KIF24: variants seen among roughly 807,000 people sequenced by gnomAD.
KIF24 encodes the protein kinesin-like protein KIF24.
A neutral mutation model predicts 118.9 loss-of-function variants in KIF24; 81 were observed. The ratio of observed to expected loss-of-function variants is 0.68; its 90% CI spans 0.57 to 0.82. KIF24 has a LOEUF of 0.82. KIF24 is among the 40% of genes least tolerant of loss of function. The pLI, the probability that KIF24 is intolerant of heterozygous loss-of-function variation, is 0.00. For missense variants in KIF24, 1,560 were observed against 1,661.6 expected (o/e 0.94, Z 1.06); for synonymous variants, 599 against 610.0 (o/e 0.98, Z 0.27).
At chr9:34,331,644 G>C (rs974489674), upstream of KIF24, among the ~76,000 whole-genome samples, 2 of 152,256 alleles carry the variant, frequency 1.3e-5, no homozygotes, top group East Asian at 3.9e-4. Flanking sequence ...AATTTTCACC[G>C]TGGTCTTGGT....
chr9:34,305,970 T>C (rs1159575736), intron 3 of KIF24, among the ~76,000 whole-genome samples: 1 of 152,224 alleles, frequency 6.6e-6, no homozygotes, highest in Non-Finnish European at 1.5e-5. Flanking sequence ...ATATGTATAA[T>C]TAAATTCACA....
At chr9:34,306,088 TG>T (rs1319362240) in intron 3 of KIF24, among the ~76,000 whole-genome samples, 163 bp downstream of exon 3, 1 of 152,164 alleles carries the variant, frequency 6.6e-6, no homozygotes, top group East Asian at 1.9e-4. Flanking sequence ...TGGATATCAA[TG>T]ACTTAATACA....
Position 34,318,483 on chromosome 9 carries a change from C to A in KIF24, c.-25-7112G>T. On this transcript the variant is annotated intron_variant, in intron 1 of 12. Coordinates refer to ENST00000402558, the MANE Select transcript of KIF24 (RefSeq NM_194313.4). The surrounding 1 kb of genome is among the most constrained non-coding windows in gnomAD (Gnocchi z 4.9). ...ACCGAGGTGAAGAAACCTGCAGCCA[C>A]AGCAGCTCCTGGCACCGCAGAGAAG... The A allele has an allele frequency of 1.2e-6, 1 of 815,546 alleles. No individual in the cohort carries two copies. The highest frequency in any genetic ancestry group is 2.1e-6 in the Non-Finnish European group (1 of 485,010). 50.5% of individuals were successfully genotyped at this position (815,546 alleles called of 1,614,324 possible). A position where few individuals can be genotyped will look rare whatever the true frequency, so the allele number is the denominator to read the frequency against.
At chr9:34,323,432 A>G (rs1837581860) in intron 1 of KIF24, among the ~76,000 whole-genome samples, 1 of 152,242 alleles carries the variant, frequency 6.6e-6, no homozygotes, top group Non-Finnish European at 1.5e-5. Flanking sequence ...ATCTTAAACC[A>G]GTGCCAAGTA....
intron 1 of KIF24, among the ~76,000 whole-genome samples, chr9:34,324,016 T>A (rs1487737204): frequency 6.6e-6 from 1 of 152,300 alleles, no homozygotes; most frequent in East Asian, 1.9e-4. Flanking sequence ...TAATCAAATC[T>A]CACATAAGCA....
intron 6 of KIF24, among the ~76,000 whole-genome samples, chr9:34,277,766 A>C (rs1017066459): frequency 1.3e-4 from 20 of 152,340 alleles, no homozygotes; most frequent in African/African-American, 4.6e-4. Flanking sequence ...AAACTATATA[A>C]TAATGCACCT....
intron 8 of KIF24, among the ~76,000 whole-genome samples, chr9:34,268,162 T>TA (rs1407667479): frequency 6.6e-6 from 1 of 152,168 alleles, no homozygotes; most frequent in Non-Finnish European, 1.5e-5. Flanking sequence ...GAGATACATT[T>TA]AAAAAAATTT....
rs1279776956 is a variant in KIF24, at chr9:34,318,962, A to G, written c.-25-7591T>C. On this transcript the variant is annotated intron_variant, in intron 1 of 12. Coordinates refer to ENST00000402558, the MANE Select transcript of KIF24 (RefSeq NM_194313.4). The surrounding 1 kb of genome is among the most constrained non-coding windows in gnomAD (Gnocchi z 4.9). ...GCAGACCACCGACGGCAAGCTGCCC[A>G]AGGTCACCAAGGACATGGAGTGCAT... 4 of 1,407,964 alleles carry G rather than the reference A, an allele frequency of 2.8e-6. No homozygotes were observed. Among genetic ancestry groups the G allele is most frequent in the South Asian group, 1.2e-5 (1 of 86,796 alleles). 87.2% of individuals were successfully genotyped at this position (1,407,964 alleles called of 1,614,324 possible).
At chr9:34,284,960 T>C (rs1835981299) in intron 6 of KIF24, among the ~76,000 whole-genome samples, 1 of 152,130 alleles carries the variant, frequency 6.6e-6, no homozygotes, top group Non-Finnish European at 1.5e-5. Context: ...TGAGGAACAC[T>C]GCATTAAAGG....
chr9:34,331,391 A>C (rs1303944137), upstream of KIF24, among the ~76,000 whole-genome samples: 3 of 152,250 alleles, frequency 2.0e-5, no homozygotes, highest in Non-Finnish European at 4.4e-5. Context: ...TGTTAACTTC[A>C]TTTTACAAAT....
Position 34,318,104 on chromosome 9 carries a change from AG to A in KIF24, c.-25-6734del, listed in dbSNP as rs1223176680. Among the ~76,000 whole-genome samples the A allele has an allele frequency of 6.6e-6, 1 of 152,156 alleles. No homozygotes were observed. Among genetic ancestry groups the A allele is most frequent in the African/African-American group, 2.4e-5 (1 of 41,440 alleles). On this transcript the variant is annotated intron_variant, in intron 1 of 12. Coordinates refer to ENST00000402558, the MANE Select transcript of KIF24 (RefSeq NM_194313.4). This position sits in a 1 kb window ranked among gnomAD's most constrained non-coding sequence, Gnocchi z 4.9. ...CATGTAGAAGCCTGATTAGAAAATT[AG>A]GGAGGAGAACAAACAAGTCTAAAGC... is the stretch of plus-strand genomic sequence containing the variant.
At chr9:34,280,227 T>C (rs2131726619) in intron 6 of KIF24, among the ~76,000 whole-genome samples, 1 of 130,760 alleles carries the variant, frequency 7.6e-6, no homozygotes, top group South Asian at 2.3e-4. Flanking sequence ...GAGCTTGCAG[T>C]GAGCCAAGAT....
upstream of KIF24, among the ~76,000 whole-genome samples, chr9:34,331,031 T>C (rs1837915780): frequency 6.6e-6 from 1 of 152,210 alleles, no homozygotes; most frequent in South Asian, 2.1e-4. Flanking sequence ...GTTGGTGTAC[T>C]TTTTGTAACT....
At position 34,301,997 on chromosome 9, in the gene KIF24, C is replaced by CTTT. The variant is rs778142590; in HGVS notation, c.813+4252_813+4254dup. Among the ~76,000 whole-genome samples the CTTT allele has an allele frequency of 4.2e-4, 58 of 137,664 alleles. 4 individuals carry two copies. The highest frequency in any genetic ancestry group is 8.1e-4 in the Admixed American group (11 of 13,562). 90.3% of individuals were successfully genotyped at this position (137,664 alleles called of 152,430 possible). A position where few individuals can be genotyped will look rare whatever the true frequency, so the allele number is the denominator to read the frequency against. ...TTTTTCTATATATGTATTTTTTTTT[C>CTTT]TTTTTTTTTTTTTTTGAGACAGAGT... On this transcript the variant is annotated intron_variant, in intron 3 of 12. Coordinates refer to ENST00000402558, the MANE Select transcript of KIF24 (RefSeq NM_194313.4).
intron 4 of KIF24, among the ~76,000 whole-genome samples, chr9:34,295,335 G>C (rs968271788): frequency 6.6e-6 from 1 of 151,904 alleles, no homozygotes; most frequent in Non-Finnish European, 1.5e-5. Flanking sequence ...AGCCTCCCAA[G>C]TAGCTGGGAC....
In KIF24 at chr9:34,255,773, A is replaced by G; in HGVS notation, c.3834T>C (p.Thr1278=). 1 of 1,613,726 alleles carries G rather than the reference A, an allele frequency of 6.2e-7. No individual in the cohort carries two copies. The part of the protein sequence containing the change: ...SPLVPSCSPK[T]AGTLRQPTLE... ...GGGTGGGCTGACGGAGTGTCCCTGCAGTCTTGGGAGAGCAGCTGGGAACCA... is the reference window on the plus strand; with the variant it reads ...GGGTGGGCTGACGGAGTGTCCCTGCGGTCTTGGGAGAGCAGCTGGGAACCA... The change falls in exon 11 of 13, where the codon ACT becomes ACC. Residue 1278 remains threonine, a synonymous_variant. Coordinates refer to ENST00000402558, the MANE Select transcript of KIF24 (RefSeq NM_194313.4).
rs1380862565 is a variant in KIF24 at position 34,257,524 on chromosome 9, C to G, written c.2083G>C (p.Val695Leu). The change falls in exon 11 of 13, where the codon GTG (valine) becomes CTG (leucine). Residue 695 changes from valine to leucine, a missense_variant. Physicochemically the swap from Val to Leu is conservative, Grantham distance 32. Coordinates refer to ENST00000402558, the MANE Select transcript of KIF24 (RefSeq NM_194313.4). ...CACTTGGTGGACAGCTTACCACGCA[C>G]TAGGCCTTCTCCTGGGCCTGAGGCC... ...SRASGPGEGL[V>L]RGKLSTKCKK... is the part of the protein sequence containing the mutation. The G allele has an allele frequency of 1.9e-6, 3 of 1,613,962 alleles. No homozygotes were observed. In the African/African-American group the frequency reaches 4.0e-5, roughly 22 times the overall value.
chr9:34,265,042 T>C (rs998240978), intron 8 of KIF24, among the ~76,000 whole-genome samples: 5 of 152,108 alleles, frequency 3.3e-5, no homozygotes, highest in African/African-American at 1.2e-4. Flanking sequence ...AACATATATA[T>C]AGACAGAAAA....
chr9:34,305,399 T>A (rs1836873945), intron 3 of KIF24, among the ~76,000 whole-genome samples: 1 of 152,126 alleles, frequency 6.6e-6, no homozygotes. Flanking sequence ...CAGCTGAGAA[T>A]CAAAATAAGC....
Sources: allele counts gnomAD v4.1 joint callset (sites outside exome capture counted in the v4.1 genomes callset), GRCh38; gene constraint gnomAD v4.1.1; non-coding constraint Gnocchi (gnomAD v3.1); transcripts MANE v1.5; gene names NCBI Gene and HGNC (gene_info 2026-07-23, HGNC 2026-07-21).